KIAA1671: variants seen among roughly 807,000 people sequenced by gnomAD.
The protein encoded by KIAA1671 is KIAA1671.
KIAA1671 carries 52 observed loss-of-function variants against 131.2 expected under a neutral mutation model. That is an observed-to-expected ratio of 0.40 (90% CI 0.32 to 0.50). KIAA1671 has a LOEUF of 0.50. Among genes scored for constraint, KIAA1671 ranks in the 20% least tolerant of loss-of-function variants. The pLI, the probability that KIAA1671 is intolerant of heterozygous loss-of-function variation, is 0.73. For missense variants in KIAA1671, 2,360 were observed against 2,364.2 expected (o/e 1.00, Z 0.04); for synonymous variants, 1,003 against 961.6 (o/e 1.04, Z -0.80).
intron 6 of KIAA1671, among the ~76,000 whole-genome samples, chr22:25,114,422 C>T (rs1436126545): frequency 6.6e-6 from 1 of 152,248 alleles, no homozygotes; most frequent in Non-Finnish European, 1.5e-5. Flanking sequence ...TGCCTAGATA[C>T]TCTGCCTGAG....
chr22:25,150,553 C>T (rs1010171164), intron 6 of KIAA1671, among the ~76,000 whole-genome samples: 1 of 152,152 alleles, frequency 6.6e-6, no homozygotes, highest in African/African-American at 2.4e-5. Flanking sequence ...CCCCAACACC[C>T]TTCTCTAAGG....
At chr22:24,996,286 G>A (rs1345268324) in intron 1 of KIAA1671, among the ~76,000 whole-genome samples, 1 of 152,118 alleles carries the variant, frequency 6.6e-6, no homozygotes, top group African/African-American at 2.4e-5. Flanking sequence ...GCACAGCTTA[G>A]GTCCTTCTGT....
At chr22:25,062,880 G>C (rs2145837832) in intron 6 of KIAA1671, 1 of 138,136 alleles carries the variant, frequency 7.2e-6, no homozygotes, top group African/African-American at 2.7e-5. Context: ...CAAATGTGCT[G>C]CAGCTGACAA....
chr22:25,054,015 C>G (rs1456267114), intron 6 of KIAA1671: 2 of 139,280 alleles, frequency 1.4e-5, no homozygotes, highest in African/African-American at 5.6e-5. Context: ...ATGGTGAAAC[C>G]CTGTTTCTAC....
At chr22:25,007,442 C>T (rs542402186) in intron 1 of KIAA1671, among the ~76,000 whole-genome samples, 5 of 151,382 alleles carry the variant, frequency 3.3e-5, no homozygotes, top group South Asian at 2.1e-4. Flanking sequence ...GCCGAGATCA[C>T]GCCATGGCAC....
At chr22:24,987,232 G>A (rs1296026614) in intron 1 of KIAA1671, among the ~76,000 whole-genome samples, 2 of 150,444 alleles carry the variant, frequency 1.3e-5, no homozygotes, top group African/African-American at 4.9e-5. Flanking sequence ...GTGTAGTGGT[G>A]CAAACTCGGC....
chr22:25,011,413 T>C (rs1433588637), intron 1 of KIAA1671: 1 of 151,956 alleles, frequency 6.6e-6, no homozygotes, highest in Non-Finnish European at 1.5e-5. Flanking sequence ...CCTCCCAAAG[T>C]GCTGGGATTA....
chr22:25,169,344 C>T (rs1378439778), intron 6 of KIAA1671, among the ~76,000 whole-genome samples: 1 of 149,408 alleles, frequency 6.7e-6, no homozygotes, highest in Non-Finnish European at 1.5e-5. Flanking sequence ...ACTTGAGCCC[C>T]AGAGGCCAAG....
At chr22:25,162,472 C>G (rs899475737) in intron 6 of KIAA1671, among the ~76,000 whole-genome samples, 1 of 152,206 alleles carries the variant, frequency 6.6e-6, no homozygotes, top group Non-Finnish European at 1.5e-5. Flanking sequence ...GTCAAACACC[C>G]CAAAATACAT....
chr22:25,140,978 T>C (rs1370096622), intron 6 of KIAA1671, among the ~76,000 whole-genome samples: 1 of 152,122 alleles, frequency 6.6e-6, no homozygotes, highest in Non-Finnish European at 1.5e-5. Flanking sequence ...GGACTTGCTG[T>C]GGAACTTCCT....
chr22:25,123,481 C>T (rs116033978), intron 6 of KIAA1671, among the ~76,000 whole-genome samples: 95 of 152,206 alleles, frequency 6.2e-4, no homozygotes, highest in African/African-American at 1.8e-3. Flanking sequence ...CGTGAGCTAC[C>T]GTGCCCGGCT....
chr22:25,195,537 G>A lies in KIAA1671; in HGVS notation c.*3136G>A, dbSNP rs750053957. ...CATGTGGTTTCAGACAATTGTGTTT[G>A]CCTTTGTGCCTCCCTGGAAGGGAGG... On this transcript the variant is annotated 3_prime_UTR_variant, in exon 13 of 13. Coordinates refer to ENST00000358431, the MANE Select transcript of KIAA1671 (RefSeq NM_001145206.2). 2.0e-5 allele frequency: 3 copies of A among 152,124 alleles called. No homozygotes were observed. The highest frequency in any genetic ancestry group is 4.4e-5 in the Non-Finnish European group (3 of 68,024). The allele number at this position is 152,124 out of a possible 1,614,324, so 9.4% of individuals were successfully genotyped here.
intron 1 of KIAA1671, among the ~76,000 whole-genome samples, chr22:24,980,008 A>G (rs1271825841): frequency 6.8e-6 from 1 of 147,514 alleles, no homozygotes; most frequent in Non-Finnish European, 1.5e-5. Context: ...CTCTGTTGCC[A>G]GGCTGGAGTG....
At chr22:24,957,436 G>T (rs1044094556) in intron 1 of KIAA1671, among the ~76,000 whole-genome samples, 1 of 152,138 alleles carries the variant, frequency 6.6e-6, no homozygotes, top group Non-Finnish European at 1.5e-5. Context: ...AAACCTGAAG[G>T]CTTTGGCAGG....
At chr22:24,985,447 C>T (rs192434246) in intron 1 of KIAA1671, among the ~76,000 whole-genome samples, 5,379 of 151,990 alleles carry the variant, frequency 0.035, 132 homozygotes, top group Non-Finnish European at 0.054. Context: ...TCACGCCATT[C>T]TCCTGCCTCA....
chr22:25,016,254 C>T (rs922443518), intron 1 of KIAA1671, among the ~76,000 whole-genome samples: 2 of 151,972 alleles, frequency 1.3e-5, no homozygotes, highest in Admixed American at 6.6e-5. Context: ...CTCCTGACCT[C>T]GTGATCCGCC....
At chr22:25,078,358 C>A (rs1929223007) in intron 6 of KIAA1671, among the ~76,000 whole-genome samples, 1 of 152,140 alleles carries the variant, frequency 6.6e-6, no homozygotes, top group East Asian at 1.9e-4. Context: ...TACTCAGTCT[C>A]TACAAAAGAA....
At chr22:24,973,170 T>G (rs1922716242) in intron 1 of KIAA1671, among the ~76,000 whole-genome samples, 1 of 152,118 alleles carries the variant, frequency 6.6e-6, no homozygotes, top group Admixed American at 6.5e-5. Context: ...CAGTTGCCCT[T>G]CATGGCAGGA....
At chr22:24,997,495 G>T (rs751338484) in intron 1 of KIAA1671, among the ~76,000 whole-genome samples, 5 of 152,122 alleles carry the variant, frequency 3.3e-5, no homozygotes, top group Non-Finnish European at 4.4e-5. Flanking sequence ...TCGATGTCCG[G>T]GATAAGTGAG....
Sources: gnomAD v4.1 joint callset for allele counts (sites outside exome capture counted in the v4.1 genomes callset) on GRCh38, gnomAD v4.1.1 for gene constraint, MANE v1.5 for transcripts, NCBI Gene and HGNC (gene_info 2026-07-23, HGNC 2026-07-21) for gene names.